Variants in ROBO2 observed in about 807,000 individuals in gnomAD.
ROBO2 encodes roundabout guidance receptor 2, also known as roundabout homolog 2.
ROBO2 carries 53 observed loss-of-function variants against 160.8 expected under a neutral mutation model. That is an observed-to-expected ratio of 0.33 (90% CI 0.26 to 0.41). The LOEUF is 0.41. ROBO2 is among the 10% of genes least tolerant of loss of function. The probability of loss-of-function intolerance (pLI) is 1.00; values close to 1 mark genes in which losing one functional copy is unlikely to be tolerated. For missense variants in ROBO2, 1,577 were observed against 1,722.4 expected, an observed-to-expected ratio of 0.92 and a Z score of 1.49; for synonymous variants, 664 against 611.7, an observed-to-expected ratio of 1.09 and a Z score of -1.26.
chr3:76,122,122 A>G (rs1370927941), intron 2 of ROBO2, among the ~76,000 whole-genome samples: 1 of 152,166 alleles, frequency 6.6e-6, no homozygotes, highest in Non-Finnish European at 1.5e-5. Context: ...TTTGTAACTC[A>G]ACTTCCTCAT....
chr3:76,275,626 T>A (rs1414574668), intron 2 of ROBO2, among the ~76,000 whole-genome samples: 1 of 152,160 alleles, frequency 6.6e-6, no homozygotes, highest in African/African-American at 2.4e-5. Context: ...CAGGCAGAAA[T>A]ATTTTCTATT....
chr3:76,700,065 C>T (rs982322690), intron 2 of ROBO2, among the ~76,000 whole-genome samples: 7 of 152,022 alleles, frequency 4.6e-5, no homozygotes, highest in Admixed American at 1.3e-4. Flanking sequence ...AGGGTGGGTG[C>T]TGTACCAAGG....
chr3:76,936,565 AAATT>A (rs2077715065), intron 2 of ROBO2, among the ~76,000 whole-genome samples: 1 of 151,910 alleles, frequency 6.6e-6, no homozygotes, highest in African/African-American at 2.4e-5. Context: ...AAGGACTGAT[AAATT>A]AATTATTTGT....
chr3:76,224,713 T>C (rs1704177827), intron 2 of ROBO2, among the ~76,000 whole-genome samples: 1 of 148,112 alleles, frequency 6.8e-6, no homozygotes, highest in African/African-American at 2.5e-5. Flanking sequence ...TAACCTTGAA[T>C]CCTGAGTATC....
chr3:76,891,869 G>C (rs1281028258), intron 2 of ROBO2, among the ~76,000 whole-genome samples: 1 of 152,128 alleles, frequency 6.6e-6, no homozygotes, highest in Non-Finnish European at 1.5e-5. Context: ...AGAGAAGAAA[G>C]TAACTACCTT....
chr3:76,274,831 C>G (rs1011079126), intron 2 of ROBO2, among the ~76,000 whole-genome samples: 10 of 135,330 alleles, frequency 7.4e-5, no homozygotes, highest in African/African-American at 1.2e-4. Flanking sequence ...AGTGAGACTC[C>G]TTTTCAAAAA....
chr3:76,969,800 G>A (rs2059484911), intron 2 of ROBO2, among the ~76,000 whole-genome samples: 1 of 151,978 alleles, frequency 6.6e-6, no homozygotes. Flanking sequence ...CATATCAGAA[G>A]AGCTCTGTGT....
chr3:77,407,041 G>T (rs2076311828), intron 2 of ROBO2, among the ~76,000 whole-genome samples: 1 of 152,058 alleles, frequency 6.6e-6, no homozygotes, highest in African/African-American at 2.4e-5. Flanking sequence ...TCCCAGGCTG[G>T]TCTTAAACTC....
intron 1 of ROBO2, among the ~76,000 whole-genome samples, chr3:77,089,539 GAAAT>G (rs2069835132): frequency 6.6e-6 from 1 of 152,118 alleles, no homozygotes; most frequent in African/African-American, 2.4e-5. Flanking sequence ...ATTTTTCTAA[GAAAT>G]AAGTAGAGTT....
At chr3:77,539,254 A>C (rs566333435) in intron 6 of ROBO2, among the ~76,000 whole-genome samples, 1 of 152,192 alleles carries the variant, frequency 6.6e-6, no homozygotes, top group Non-Finnish European at 1.5e-5. Context: ...ATTGTTACAC[A>C]ATGTCTTTAT....
intron 2 of ROBO2, chr3:76,434,798 C>G (rs1333820186): frequency 3.7e-6 from 5 of 1,361,608 alleles, no homozygotes; most frequent in Non-Finnish European, 5.3e-6. Flanking sequence ...AGGGGGAGAG[C>G]ATCACACATG....
chr3:76,827,721 C>A (rs1339479067), intron 2 of ROBO2, among the ~76,000 whole-genome samples: 1 of 152,014 alleles, frequency 6.6e-6, no homozygotes. Context: ...TTCTTTATTG[C>A]ATTATTACAT....
At chr3:76,166,415 C>T (rs1429940578) in intron 2 of ROBO2, among the ~76,000 whole-genome samples, 1 of 152,118 alleles carries the variant, frequency 6.6e-6, no homozygotes, top group East Asian at 1.9e-4. Flanking sequence ...TTTTCTTATT[C>T]TCAGGCCAGT....
intron 2 of ROBO2, among the ~76,000 whole-genome samples, chr3:76,798,310 AAG>A (rs1247686944): frequency 6.6e-6 from 1 of 151,454 alleles, no homozygotes; most frequent in Non-Finnish European, 1.5e-5. Context: ...GAAAGAAAGA[AAG>A]AAAAAAGAAC....
chr3:76,461,103 G>A (rs1157142717), intron 2 of ROBO2, among the ~76,000 whole-genome samples: 2 of 152,212 alleles, frequency 1.3e-5, no homozygotes, highest in Non-Finnish European at 2.9e-5. Context: ...AGCTTTAAAA[G>A]AAGCATGGTG....
chr3:76,209,398 T>C (rs1242449326), intron 2 of ROBO2, among the ~76,000 whole-genome samples: 1 of 152,198 alleles, frequency 6.6e-6, no homozygotes, highest in African/African-American at 2.4e-5. Context: ...TAACTATTTT[T>C]GAAAATATAA....
At chr3:76,751,411 A>C (rs1215110381) in intron 2 of ROBO2, among the ~76,000 whole-genome samples, 1 of 152,164 alleles carries the variant, frequency 6.6e-6, no homozygotes, top group Non-Finnish European at 1.5e-5. Context: ...TTCATGTCTA[A>C]AACACCAAAA....
chr3:76,833,746 CT>C (rs1161263740), intron 2 of ROBO2, among the ~76,000 whole-genome samples: 2 of 152,094 alleles, frequency 1.3e-5, no homozygotes, highest in Non-Finnish European at 2.9e-5. Context: ...CTCTTTTATC[CT>C]CCTTCCTCCC....
At chr3:76,299,993 CTGT>C (rs1383075967) in intron 2 of ROBO2, among the ~76,000 whole-genome samples, 3 of 152,064 alleles carry the variant, frequency 2.0e-5, no homozygotes, top group Admixed American at 6.6e-5. Context: ...TAGACATTGT[CTGT>C]TGTTGCATTA....
Sources: gnomAD v4.1 joint callset for allele counts (sites outside exome capture counted in the v4.1 genomes callset) on GRCh38, gnomAD v4.1.1 for gene constraint, MANE v1.5 for transcripts, NCBI Gene and HGNC (gene_info 2026-07-23, HGNC 2026-07-21) for gene names.